The following KANSL1L variants were observed in gnomAD, a reference collection of about 807,000 sequenced individuals.
KANSL1L encodes KAT8 regulatory NSL complex subunit 1-like protein.
Under a neutral mutation model 108.6 loss-of-function variants are expected in KANSL1L, and 25 were observed. The ratio of observed to expected loss-of-function variants is 0.23; its 90% CI spans 0.17 to 0.32. KANSL1L has a LOEUF of 0.32. Among genes scored for constraint, KANSL1L ranks in the 10% least tolerant of loss-of-function variants. The probability of loss-of-function intolerance (pLI) is 1.00; values close to 1 mark genes in which losing one functional copy is unlikely to be tolerated. For synonymous variants in KANSL1L, 405 were observed against 395.1 expected (o/e 1.03, Z -0.30); for missense variants, 1,137 against 1,125.7 (o/e 1.01, Z -0.14).
chr2:210,044,957 A>G lies in KANSL1L; in HGVS notation c.1756-853T>C, dbSNP rs981255992. ...GCTACTTTTTGTATTTTTAGTGGAG[A>G]CAGGGCTTCACCAGTTGGCCAGGCT... On this transcript the variant is annotated intron_variant, in intron 6 of 14. Transcript: ENST00000281772. The surrounding 1 kb of genome is among the most constrained non-coding windows in gnomAD (Gnocchi z 4.2). Among the ~76,000 whole-genome samples the G allele has an allele frequency of 3.9e-5, 6 of 151,938 alleles. No individual in the cohort carries two copies. Among genetic ancestry groups the G allele is most frequent in the Admixed American group, 6.6e-5 (1 of 15,252 alleles).
intron 2 of KANSL1L, among the ~76,000 whole-genome samples, chr2:210,134,051 G>A (rs1390141936): frequency 6.6e-6 from 1 of 152,032 alleles, no homozygotes. Flanking sequence ...GAGAATTTTA[G>A]ACTGACTTTT....
chr2:210,121,488 C>G lies in KANSL1L; in HGVS notation c.1230+7543G>C, dbSNP rs530866351. Among the ~76,000 whole-genome samples the G allele has an allele frequency of 2.6e-5, 4 of 152,018 alleles. No individual in the cohort carries two copies. The East Asian group carries it at 7.7e-4, about 29-fold the overall frequency. ...TAGAGGGGAATAACACACACTGGGGCCTTTTGGAGAATGGAGGGTGCGAGG... is the reference window on the plus strand; with the variant it reads ...TAGAGGGGAATAACACACACTGGGGGCTTTTGGAGAATGGAGGGTGCGAGG... On this transcript the variant is annotated intron_variant, in intron 3 of 14. Coordinates refer to ENST00000281772, the MANE Select transcript of KANSL1L (RefSeq NM_152519.4).
intron 3 of KANSL1L, among the ~76,000 whole-genome samples, chr2:210,121,015 T>A (rs914800916): frequency 1.3e-5 from 2 of 152,130 alleles, no homozygotes; most frequent in African/African-American, 4.8e-5. Flanking sequence ...GGCAAGGTTG[T>A]GGAGAAAAAG....
chr2:210,049,716 CAG>C (rs1421475557), intron 6 of KANSL1L, among the ~76,000 whole-genome samples: 2 of 152,174 alleles, frequency 1.3e-5, no homozygotes, highest in African/African-American at 2.4e-5. Context: ...CAATGTGTGA[CAG>C]ATGATCACAG....
rs544179984 is a variant in KANSL1L, at chr2:210,064,832, A to C, written c.1755+10720T>G. 2.0e-3 allele frequency among the ~76,000 whole-genome samples: 307 copies of C among 151,574 alleles called. 5 individuals are homozygous for C. The highest frequency in any genetic ancestry group is 7.2e-3 in the African/African-American group (298 of 41,268). ...CCTCCCCCACCAAAAAAAAAAAAAA[A>C]AAAAAACACAGGAAAAAAAATTAGT... is the stretch of plus-strand genomic sequence containing the variant. On this transcript the variant is annotated intron_variant, in intron 6 of 14. Transcript: ENST00000281772.
At chr2:210,033,411 A>G (rs1425859124) in intron 8 of KANSL1L, among the ~76,000 whole-genome samples, 1 of 152,274 alleles carries the variant, frequency 6.6e-6, no homozygotes, top group Non-Finnish European at 1.5e-5. Context: ...CATTCTTTTA[A>G]TAACATTTTG....
intron 5 of KANSL1L, 76 bp from the exon 6 acceptor site, chr2:210,075,832 C>G (rs1575480772): frequency 8.9e-7 from 1 of 1,123,544 alleles, no homozygotes; most frequent in African/African-American, 1.6e-5. Flanking sequence ...ACAAAGAAAA[C>G]TAAATGTAAA....
intron 12 of KANSL1L, among the ~76,000 whole-genome samples, chr2:210,025,516 C>A (rs2093924352): frequency 6.6e-6 from 1 of 152,156 alleles, no homozygotes; most frequent in Non-Finnish European, 1.5e-5. Context: ...GATCGTGCCA[C>A]TGCACTCCAG....
chr2:210,166,563 G>C (rs1049740273), intron 1 of KANSL1L, among the ~76,000 whole-genome samples: 13 of 152,052 alleles, frequency 8.5e-5, no homozygotes, highest in African/African-American at 3.1e-4. Flanking sequence ...TCCAGATTCT[G>C]ATTTATATTC....
At chr2:210,023,921 AT>A in intron 14 of KANSL1L, 111 bp downstream of exon 14, 2 of 632,502 alleles carry the variant, frequency 3.2e-6, no homozygotes, top group Non-Finnish European at 5.2e-6. Flanking sequence ...TACCTAACTT[AT>A]TGAATTTGTT....
chr2:210,123,349 T>TA (rs1354609826), intron 3 of KANSL1L, among the ~76,000 whole-genome samples: 2 of 152,028 alleles, frequency 1.3e-5, no homozygotes, highest in Admixed American at 6.6e-5. Context: ...TATACAGTGA[T>TA]AAAAAAGACT....
chr2:210,124,810 G>A (rs1340677005), intron 3 of KANSL1L, among the ~76,000 whole-genome samples: 1 of 152,078 alleles, frequency 6.6e-6, no homozygotes, highest in Non-Finnish European at 1.5e-5. Flanking sequence ...CAGAAATAAA[G>A]CTGGGGATGT....
chr2:210,095,710 T>C (rs1364667042), intron 5 of KANSL1L, among the ~76,000 whole-genome samples: 2 of 152,134 alleles, frequency 1.3e-5, no homozygotes. Flanking sequence ...AAAGCACTTA[T>C]AAAGAGCTAT....
chr2:210,064,259 T>C (rs937230501), intron 6 of KANSL1L: 3 of 152,196 alleles, frequency 2.0e-5, no homozygotes, highest in Admixed American at 1.3e-4. Flanking sequence ...GTTTCAGGTA[T>C]GTCTTTATCA....
intron 4 of KANSL1L, 28 bp from the exon 5 acceptor site, chr2:210,098,235 A>G (rs2094757818): frequency 5.0e-6 from 8 of 1,599,972 alleles, no homozygotes; most frequent in Non-Finnish European, 6.8e-6. Flanking sequence ...ACCTTTTACT[A>G]CTGCTAAGCA....
intron 12 of KANSL1L, among the ~76,000 whole-genome samples, chr2:210,026,054 C>G (rs941649273): frequency 7.2e-5 from 11 of 152,110 alleles, no homozygotes; most frequent in African/African-American, 2.7e-4. Context: ...GACAAGTCAG[C>G]ATTAATTTAA....
At chr2:210,068,811 A>C (rs1027620604) in intron 6 of KANSL1L, among the ~76,000 whole-genome samples, 4 of 152,184 alleles carry the variant, frequency 2.6e-5, no homozygotes, top group Admixed American at 1.3e-4. Context: ...TGTCATTAAG[A>C]CAGGAGTGTT....
At chr2:210,104,023 A>G in intron 4 of KANSL1L, 81 bp downstream of exon 4, 1 of 1,083,948 alleles carries the variant, frequency 9.2e-7, no homozygotes, top group South Asian at 1.3e-5. Context: ...GAAGATACAC[A>G]TATAATGATG....
At chr2:210,089,967 G>T (rs2094677736) in intron 5 of KANSL1L, among the ~76,000 whole-genome samples, 1 of 152,174 alleles carries the variant, frequency 6.6e-6, no homozygotes, top group East Asian at 1.9e-4. Context: ...ACAGTTGTGT[G>T]CAAAGGGATA....
Sources: gnomAD v4.1 joint callset for allele counts (sites outside exome capture counted in the v4.1 genomes callset) on GRCh38, gnomAD v4.1.1 for gene constraint, Gnocchi (gnomAD v3.1) non-coding constraint, MANE v1.5 for transcripts, NCBI Gene and HGNC (gene_info 2026-07-23, HGNC 2026-07-21) for gene names.